SAMSN1: variants seen among roughly 807,000 people sequenced by gnomAD.
SAMSN1 encodes SAM domain-containing protein SAMSN-1.
Under a neutral mutation model 42.0 loss-of-function variants are expected in SAMSN1, and 31 were observed. That is an observed-to-expected ratio of 0.74 (90% CI 0.55 to 1.00). The LOEUF (loss-of-function observed/expected upper bound fraction) is 1.00, where lower values mean the gene tolerates loss of function less well. Among genes scored for constraint, SAMSN1 ranks in the 50% least tolerant of loss-of-function variants. The probability of loss-of-function intolerance (pLI) is 0.00; values close to 1 mark genes in which losing one functional copy is unlikely to be tolerated. For synonymous variants in SAMSN1, 178 were observed against 151.9 expected (o/e 1.17, Z -1.26); for missense variants, 464 against 439.4 (o/e 1.06, Z -0.50).
At chr21:14,565,913 A>G (rs1981103168) in intron 2 of SAMSN1, among the ~76,000 whole-genome samples, 1 of 152,246 alleles carries the variant, frequency 6.6e-6, no homozygotes, top group South Asian at 2.1e-4. Context: ...GCAAACCAAC[A>G]AACCTTGTCT....
chr21:14,626,719 C>G (rs536971444), intron 2 of SAMSN1, among the ~76,000 whole-genome samples: 74 of 152,276 alleles, frequency 4.9e-4, no homozygotes, highest in African/African-American at 1.8e-3. Flanking sequence ...GACAGTGTGG[C>G]GATTCCTCAG....
At chr21:14,613,175 T>G (rs560241008) in intron 3 of SAMSN1, among the ~76,000 whole-genome samples, 49 of 152,314 alleles carry the variant, frequency 3.2e-4, no homozygotes, top group African/African-American at 1.1e-3. Context: ...TCTTTTTACG[T>G]GAAGGTATCT....
chr21:14,497,333 G>A (rs759321779), intron 7 of SAMSN1, among the ~76,000 whole-genome samples: 10 of 152,104 alleles, frequency 6.6e-5, no homozygotes, highest in Non-Finnish European at 1.2e-4. Context: ...GGTGGCTCAC[G>A]CTTGTAATCC....
At chr21:14,652,182 A>G (rs1983847375) in intron 1 of SAMSN1, among the ~76,000 whole-genome samples, 2 of 151,936 alleles carry the variant, frequency 1.3e-5, no homozygotes, top group Admixed American at 6.6e-5. Flanking sequence ...ACAGAAATGG[A>G]AAAAAAATCC....
chr21:14,611,964 G>T (rs1982720023), intron 4 of SAMSN1, among the ~76,000 whole-genome samples: 1 of 152,194 alleles, frequency 6.6e-6, no homozygotes, highest in Non-Finnish European at 1.5e-5. Context: ...GCCAGGCATG[G>T]TGGCTCACAC....
intron 2 of SAMSN1, among the ~76,000 whole-genome samples, chr21:14,639,187 T>C (rs540176573): frequency 1.0e-3 from 156 of 152,322 alleles, no homozygotes; most frequent in Non-Finnish European, 2.0e-3. Flanking sequence ...TAGCCCCAAA[T>C]TGGCAGAGAT....
chr21:14,603,352 G>T (rs529867088), intron 5 of SAMSN1, among the ~76,000 whole-genome samples: 21 of 152,268 alleles, frequency 1.4e-4, no homozygotes, highest in Admixed American at 3.9e-4. Flanking sequence ...ACGAATATGT[G>T]CAATGCACTT....
chr21:14,601,274 C>A (rs940498328), intron 6 of SAMSN1, among the ~76,000 whole-genome samples: 28 of 152,280 alleles, frequency 1.8e-4, no homozygotes, highest in African/African-American at 6.3e-4. Flanking sequence ...TCTAGTGGAT[C>A]AAAATCATGA....
In SAMSN1 at chr21:14,577,253, TA is replaced by T. The variant is rs1568816022; in HGVS notation, c.261+4882del. On this transcript the variant is annotated intron_variant, in intron 2 of 8. Transcript: ENST00000285670. ...ATATATGTGTGTATATATATATATA[TA>T]TATATATATATATATATATATATAT... 3.2e-4 allele frequency among the ~76,000 whole-genome samples: 12 copies of T among 37,370 alleles called. 2 individuals carry two copies. Among genetic ancestry groups the T allele is most frequent in the African/African-American group, 1.7e-3 (9 of 5,288 alleles). The allele number at this position is 37,370 out of a possible 152,430, so 24.5% of individuals were successfully genotyped here.
At chr21:14,597,694 T>C (rs1305458152) in intron 6 of SAMSN1, among the ~76,000 whole-genome samples, 6 of 152,264 alleles carry the variant, frequency 3.9e-5, no homozygotes, top group Admixed American at 1.3e-4. Context: ...TTCTGTAAAA[T>C]AGAAGTGCAG....
At chr21:14,572,480 A>G (rs1444878422) in intron 2 of SAMSN1, among the ~76,000 whole-genome samples, 2 of 152,158 alleles carry the variant, frequency 1.3e-5, no homozygotes, top group South Asian at 2.1e-4. Flanking sequence ...ATTTAAAGAC[A>G]ACTTAGTGAT....
chr21:14,657,998 C>T (rs184838144), intron 1 of SAMSN1, among the ~76,000 whole-genome samples: 28 of 151,860 alleles, frequency 1.8e-4, no homozygotes, highest in Admixed American at 4.6e-4. Context: ...GATCTCCCAT[C>T]GACATCTTGA....
intron 1 of SAMSN1, among the ~76,000 whole-genome samples, chr21:14,650,645 C>T (rs921702295): frequency 4.6e-5 from 7 of 151,772 alleles, no homozygotes; most frequent in South Asian, 4.2e-4. Flanking sequence ...AAGAGCAAAC[C>T]AAACCCCAAA....
intron 1 of SAMSN1, among the ~76,000 whole-genome samples, chr21:14,532,764 A>C (rs1979347689): frequency 6.6e-6 from 1 of 152,140 alleles, no homozygotes; most frequent in Non-Finnish European, 1.5e-5. Flanking sequence ...ATCTTAAAGT[A>C]ATTTGAAATT....
At chr21:14,622,256 A>T (rs966074626) in intron 2 of SAMSN1, among the ~76,000 whole-genome samples, 2 of 152,278 alleles carry the variant, frequency 1.3e-5, no homozygotes, top group African/African-American at 4.8e-5. Flanking sequence ...CCAGCAATGG[A>T]ACAAAGCTGG....
At chr21:14,647,593 C>T (rs1326195415) in intron 1 of SAMSN1, among the ~76,000 whole-genome samples, 22 of 139,196 alleles carry the variant, frequency 1.6e-4, no homozygotes, top group Admixed American at 1.1e-3. Flanking sequence ...GCCATTTTCA[C>T]GATATTGATT....
intron 2 of SAMSN1, among the ~76,000 whole-genome samples, chr21:14,620,969 C>A (rs1982986646): frequency 6.6e-6 from 1 of 152,134 alleles, no homozygotes; most frequent in Admixed American, 6.5e-5. Flanking sequence ...ACTTGCATAA[C>A]TAAAATGGTT....
chr21:14,653,874 G>T (rs1003309861), intron 1 of SAMSN1, among the ~76,000 whole-genome samples: 1 of 151,430 alleles, frequency 6.6e-6, no homozygotes, highest in Non-Finnish European at 1.5e-5. Context: ...CACACAGCAG[G>T]AAGCTATGAG....
At chr21:14,656,115 C>T (rs1600987055) in intron 1 of SAMSN1, among the ~76,000 whole-genome samples, 1 of 151,776 alleles carries the variant, frequency 6.6e-6, no homozygotes, top group African/African-American at 2.4e-5. Context: ...GACCTAGCAC[C>T]ATAATGAAGT....
Sources: gnomAD v4.1 joint callset for allele counts (sites outside exome capture counted in the v4.1 genomes callset) on GRCh38, gnomAD v4.1.1 for gene constraint, MANE v1.5 for transcripts, NCBI Gene and HGNC (gene_info 2026-07-23, HGNC 2026-07-21) for gene names.